The following JPH3 variants were observed in gnomAD, a reference collection of about 807,000 sequenced individuals.
JPH3 encodes junctophilin 3.
In JPH3, 11 loss-of-function variants were observed where a neutral mutation model predicts 59.6. The ratio of observed to expected loss-of-function variants is 0.18; its 90% CI spans 0.12 to 0.31. JPH3 has a LOEUF of 0.31. Among genes scored for constraint, JPH3 ranks in the 10% least tolerant of loss-of-function variants. The pLI is 1.00. For missense variants in JPH3, 1,202 were observed against 1,105.7 expected (o/e 1.09, Z -1.24); for synonymous variants, 673 against 483.6 (o/e 1.39, Z -5.14).
chr16:87,678,443 G>A (rs923122270), intron 2 of JPH3, among the ~76,000 whole-genome samples: 4 of 152,082 alleles, frequency 2.6e-5, no homozygotes, highest in African/African-American at 9.7e-5. Context: ...GGAGGCTGAG[G>A]AAGGAGAATT....
chr16:87,672,140 G>T (rs1172220452), intron 2 of JPH3, among the ~76,000 whole-genome samples: 1 of 152,134 alleles, frequency 6.6e-6, no homozygotes, highest in Non-Finnish European at 1.5e-5. Context: ...TGGGGTGAGG[G>T]AGAAGAGTGG....
At chr16:87,663,733 C>A (rs1319433307) in intron 2 of JPH3, among the ~76,000 whole-genome samples, 1 of 152,234 alleles carries the variant, frequency 6.6e-6, no homozygotes, top group African/African-American at 2.4e-5. Flanking sequence ...TCTGCACCAG[C>A]TCTCCAGCCC....
intron 1 of JPH3, chr16:87,604,039 G>C (rs1403137553): frequency 1.0e-6 from 1 of 968,796 alleles, no homozygotes; most frequent in African/African-American, 1.8e-5. Context: ...GGAGCGCTAG[G>C]GGCGGGGGAT....
In JPH3 at chr16:87,690,108, C is replaced by T. The variant is rs748627807; in HGVS notation, c.1748C>T (p.Thr583Met). 2.3e-5 allele frequency: 36 copies of T among 1,577,672 alleles called. No individual in the cohort carries two copies. The highest frequency in any genetic ancestry group is 1.7e-4 in the Middle Eastern group (1 of 6,046). The change falls in exon 4 of 5, where the codon ACG becomes ATG. Residue 583 changes from threonine (T) to methionine (M), a missense_variant. Thr to Met is a moderately conservative substitution (Grantham distance 81, BLOSUM62 -1). Coordinates refer to ENST00000284262, the MANE Select transcript of JPH3 (RefSeq NM_020655.4). ...ERRTESPPVFTWTSHHRASNH... is the reference protein window; with the variant it reads ...ERRTESPPVFMWTSHHRASNH... ...CGGACGGAGTCACCCCCCGTGTTCA[C>T]GTGGACTTCCCACCACCGGGCCAGC...
At chr16:87,634,131 A>G (rs1287562339) in intron 1 of JPH3, among the ~76,000 whole-genome samples, 2 of 152,162 alleles carry the variant, frequency 1.3e-5, no homozygotes, top group Admixed American at 6.5e-5. Context: ...CATGGGGGCC[A>G]CCCGTGGAGA....
chr16:87,659,486 T>C (rs374693749), intron 2 of JPH3, among the ~76,000 whole-genome samples: 2 of 149,330 alleles, frequency 1.3e-5, no homozygotes, highest in Non-Finnish European at 3.0e-5. Context: ...CACTGGGAGG[T>C]TGAGGTGGGT....
intron 2 of JPH3, among the ~76,000 whole-genome samples, chr16:87,659,205 C>T (rs140072355): frequency 6.6e-6 from 1 of 151,752 alleles, no homozygotes; most frequent in African/African-American, 2.4e-5. Flanking sequence ...AAGATCCCCT[C>T]TCTACTGAAA....
In JPH3 at chr16:87,698,023, T is replaced by C. The variant is rs2033972307; in HGVS notation, c.*1363T>C. 6.5e-6 allele frequency: 1 copy of C among 152,694 alleles called. No individual in the cohort carries two copies. The highest frequency in any genetic ancestry group is 1.5e-5 in the Non-Finnish European group (1 of 68,068). The allele number at this position is 152,694 out of a possible 1,614,324, so 9.5% of individuals were successfully genotyped here. A position where few individuals can be genotyped will look rare whatever the true frequency, so the allele number is the denominator to read the frequency against. ...GTCGTCTTGGGGCCAGCCCGTCTTA[T>C]GGACTCTGCCTTGCTTTGCTTATGT... On this transcript the variant is annotated 3_prime_UTR_variant, in exon 5 of 5. Transcript: ENST00000284262.
rs2031157453 is a variant in JPH3, at chr16:87,620,770, G to A, written c.382+17242G>A. 2.0e-5 allele frequency among the ~76,000 whole-genome samples: 3 copies of A among 152,250 alleles called. 1 individual carries two copies. The South Asian group carries it at 6.2e-4, about 31-fold the overall frequency. The stretch of plus-strand genomic sequence containing the variant: ...GCGGCAAATTTCCCAAGGCCACACG[G>A]TTCTGCTGTTGGGGCGGCACTGGGC... On this transcript the variant is annotated intron_variant, in intron 1 of 4. Coordinates refer to ENST00000284262, the MANE Select transcript of JPH3 (RefSeq NM_020655.4).
chr16:87,654,901 C>T (rs1200080070), intron 2 of JPH3: 1 of 152,292 alleles, frequency 6.6e-6, no homozygotes, highest in Non-Finnish European at 1.5e-5. Context: ...CCACTGGTCA[C>T]CTGGTGGCCT....
chr16:87,640,987 C>G (rs765377345), intron 1 of JPH3, among the ~76,000 whole-genome samples: 10 of 152,232 alleles, frequency 6.6e-5, no homozygotes, highest in Middle Eastern at 3.2e-3. Context: ...CAGTTTCCTC[C>G]TCACAACCCC....
chr16:87,636,773 A>G (rs2031763877), intron 1 of JPH3, among the ~76,000 whole-genome samples: 2 of 152,184 alleles, frequency 1.3e-5, no homozygotes, highest in African/African-American at 4.8e-5. Flanking sequence ...CCCTCATTAC[A>G]CTGTGCCGGG....
intron 2 of JPH3, 23 bp downstream of exon 2, chr16:87,645,058 G>T (rs752534323): frequency 1.3e-6 from 2 of 1,581,762 alleles, no homozygotes; most frequent in East Asian, 4.5e-5. Flanking sequence ...GGGGGCGGGG[G>T]GCCCTTCTTG....
chr16:87,682,059 G>A (rs1384428703), intron 2 of JPH3, among the ~76,000 whole-genome samples: 1 of 152,098 alleles, frequency 6.6e-6, no homozygotes, highest in African/African-American at 2.4e-5. Context: ...GCCTGGAATC[G>A]GAGCCCCCAC....
intron 1 of JPH3, among the ~76,000 whole-genome samples, chr16:87,614,925 GGA>G (rs2030896099): frequency 7.5e-5 from 5 of 66,284 alleles, no homozygotes; most frequent in Non-Finnish European, 1.4e-4. Context: ...GCACACACGA[GGA>G]GCCGCGCGTC....
At chr16:87,628,045 A>C (rs1162416626) in intron 1 of JPH3, among the ~76,000 whole-genome samples, 1 of 152,188 alleles carries the variant, frequency 6.6e-6, no homozygotes, top group African/African-American at 2.4e-5. Flanking sequence ...GGACACCCTT[A>C]TGTGCTGTGT....
intron 1 of JPH3, among the ~76,000 whole-genome samples, chr16:87,609,125 A>G (rs1198279406): frequency 6.6e-6 from 1 of 152,234 alleles, no homozygotes; most frequent in Non-Finnish European, 1.5e-5. Context: ...ATGCCTGCCT[A>G]TGTTTTCACC....
chr16:87,620,296 GCAGCGACAGTGAC>G (rs1255312304), intron 1 of JPH3, among the ~76,000 whole-genome samples: 31 of 151,212 alleles, frequency 2.1e-4, no homozygotes, highest in Non-Finnish European at 4.4e-5. Context: ...GGGTGGGGCT[GCAGCGACAGTGAC>G]CAGGAGTCAC....
At chr16:87,677,174 CTATATATA>C (rs59009330) in intron 2 of JPH3, among the ~76,000 whole-genome samples, 5 of 119,106 alleles carry the variant, frequency 4.2e-5, no homozygotes, top group African/African-American at 1.8e-4. Context: ...CACACACGCA[CTATATATA>C]TATACACACA....
Sources: allele counts gnomAD v4.1 joint callset (sites outside exome capture counted in the v4.1 genomes callset), GRCh38; gene constraint gnomAD v4.1.1; transcripts MANE v1.5; gene names NCBI Gene and HGNC (gene_info 2026-07-23, HGNC 2026-07-21).